Variants in SEMA6C observed in about 807,000 individuals in gnomAD.
SEMA6C encodes the protein semaphorin 6C, also known as semaphorin-6C.
A neutral mutation model predicts 72.9 loss-of-function variants in SEMA6C; 37 were observed. The ratio of observed to expected loss-of-function variants is 0.51; its 90% CI spans 0.39 to 0.67. SEMA6C has a LOEUF of 0.67. Among genes scored for constraint, SEMA6C ranks in the 30% least tolerant of loss-of-function variants. The pLI is 0.00. For missense variants in SEMA6C, 1,189 were observed against 1,263.6 expected (o/e 0.94, Z 0.89); for synonymous variants, 578 against 554.1 (o/e 1.04, Z -0.61).
At position 151,142,624 on chromosome 1, in the gene SEMA6C, T is replaced by C; in HGVS notation, c.-3A>G. 1 of 1,563,132 alleles carries C rather than the reference T, an allele frequency of 6.4e-7. No individual in the cohort carries two copies. Among genetic ancestry groups the C allele is most frequent in the East Asian group, 2.3e-5 (1 of 43,412 alleles). ...ATGAAGTGGGGGGCACGGGGCATCC[T>C]GTGCGGGGCAGCTCAGGCCCCAGGG... On this transcript the variant is annotated 5_prime_UTR_variant, in exon 3 of 19. Transcript: ENST00000368914.
chr1:151,140,013 A>G lies in SEMA6C; in HGVS notation c.196T>C (p.Phe66Leu). Reference protein sequence around the residue: ...AAELGLDFQRFLTLNRTLLVA... With the variant: ...AAELGLDFQRLLTLNRTLLVA... ...AGCAAGGTCCGGTTCAAGGTCAGGA[A>G]TCTCTGAAAGTCCAGCCCAAGTTCT... The change falls in exon 4 of 19, where the codon TTC becomes CTC. Residue 66 changes from phenylalanine to leucine, a missense_variant. Physicochemically the swap from Phe to Leu is conservative, Grantham distance 22 (BLOSUM62 0). Coordinates refer to ENST00000368914, the MANE Select transcript of SEMA6C (RefSeq NM_030913.6). 3 of 1,614,172 alleles carry G rather than the reference A, an allele frequency of 1.9e-6. No homozygotes were observed. The highest frequency in any genetic ancestry group is 2.5e-6 in the Non-Finnish European group (3 of 1,180,036).
chr1:151,135,704 G>A lies in SEMA6C; in HGVS notation c.1320C>T (p.Val440=). The A allele has an allele frequency of 1.2e-6, 2 of 1,614,200 alleles. No homozygotes were observed. The highest frequency in any genetic ancestry group is 1.7e-5 in the Admixed American group (1 of 60,028). Reference sequence around the variant, plus strand: ...TCCCATCATTGGAGCCAAGGAACATGACTGTGATGTTACTGTGGGGACCAG... The same window carrying A: ...TCCCATCATTGGAGCCAAGGAACATAACTGTGATGTTACTGTGGGGACCAG... The part of the protein sequence containing the change: ...GMAGPHSNIT[V]MFLGSNDGTV... Residue 440 remains valine, a synonymous_variant, in exon 14 of 19, where the codon GTC becomes GTT. Transcript: ENST00000368914.
rs1228347931 is a variant in SEMA6C, at chr1:151,135,306, G to A, written c.1437C>T (p.Cys479=). 4 of 1,613,088 alleles carry A rather than the reference G, an allele frequency of 2.5e-6. No homozygotes were observed. Among genetic ancestry groups the A allele is most frequent in the Non-Finnish European group, 2.5e-6 (3 of 1,179,516 alleles). ...EEIDAYSPAR[C]SGKRTAQTAR... is the part of the protein sequence containing the mutation. ...CTGTTTGGGCTGTCCGCTTCCCACTGCACCTAGGGTGAGGCCAGAAGGAAC... is the reference window on the plus strand; with the variant it reads ...CTGTTTGGGCTGTCCGCTTCCCACTACACCTAGGGTGAGGCCAGAAGGAAC... The change falls in exon 15 of 19, where the codon TGC becomes TGT. Residue 479 remains cysteine (C), a synonymous_variant. Transcript: ENST00000368914.
rs587715094 is a variant in SEMA6C at position 151,132,466 on chromosome 1, G to C, written c.*18C>G. The C allele has an allele frequency of 2.6e-6, 4 of 1,542,936 alleles. No homozygotes were observed. In the Admixed American group the frequency reaches 8.0e-5, roughly 31 times the overall value. ...GGACTCGGGCGCTCCCCACGCTGGA[G>C]GCCGTGGGCCGCTCCCTTTAAAAGT... On this transcript the variant is annotated 3_prime_UTR_variant, in exon 19 of 19. Transcript: ENST00000368914.
At chr1:151,137,878 C>T (rs587658901) in intron 9 of SEMA6C, 79 bp from the exon 10 acceptor site, 1 of 1,579,530 alleles carries the variant, frequency 6.3e-7, no homozygotes, top group Non-Finnish European at 8.6e-7. Context: ...CACCGCTCTC[C>T]CCATTGCATA....
In SEMA6C at chr1:151,135,274, C is replaced by T. The variant is rs1167997407; in HGVS notation, c.1469G>A (p.Arg490Gln). The T allele has an allele frequency of 1.8e-5, 29 of 1,614,088 alleles. No homozygotes were observed. The highest frequency in any genetic ancestry group is 3.3e-5 in the Admixed American group (2 of 60,006). Residue 490 changes from arginine (R) to glutamine (Q), a missense_variant, in exon 15 of 19, where the codon CGG becomes CAG. Transcript: ENST00000368914. ...SGKRTAQTAR[R>Q]IIGLELDTEG... ...AGTGTCCAGCTCCAGCCCTATGATC[C>T]GTCGTGCTGTTTGGGCTGTCCGCTT...
rs778911443 is a variant in SEMA6C at position 151,133,369 on chromosome 1, C to G, written c.1908G>C (p.Arg636=). The G allele has an allele frequency of 1.9e-6, 3 of 1,600,546 alleles. No homozygotes were observed. The highest frequency in any genetic ancestry group is 2.2e-5 in the East Asian group (1 of 44,574). ...SCACRRAHRR[R]GKDIETPGLP... Reference sequence around the variant, plus strand: ...GCCCCGGAGTCTCGATGTCCTTGCCCCGACGTCGGTGGGCGCGGCGACAAG... The same window carrying G: ...GCCCCGGAGTCTCGATGTCCTTGCCGCGACGTCGGTGGGCGCGGCGACAAG... The change falls in exon 19 of 19, where the codon CGG becomes CGC. Residue 636 remains arginine, a synonymous_variant. Transcript: ENST00000368914. The surrounding 1 kb of genome is among the most constrained non-coding windows in gnomAD (Gnocchi z 5.9).
intron 3 of SEMA6C, among the ~76,000 whole-genome samples, chr1:151,141,447 T>G (rs1303578118): frequency 6.6e-6 from 1 of 152,224 alleles, no homozygotes; most frequent in Non-Finnish European, 1.5e-5. Flanking sequence ...TTCACTCTTG[T>G]TGCCCATGCT....
chr1:151,136,539 T>G lies in SEMA6C; in HGVS notation c.1015A>C (p.Ile339Leu), dbSNP rs1370881936. 1.2e-6 allele frequency: 2 copies of G among 1,613,972 alleles called. No individual in the cohort carries two copies. The highest frequency in any genetic ancestry group is 4.5e-5 in the East Asian group (2 of 44,866). Residue 339 changes from isoleucine (I) to leucine (L), a missense_variant, in exon 12 of 19, where the codon ATT becomes CTT. Transcript: ENST00000368914. ...SAVCAFYLDE[I>L]ERGFEGKFKE... ...AACTTGCCCTCAAACCCACGCTCAA[T>G]CTCATCCAGGTAGAAGGCGCAGACG... is the stretch of plus-strand genomic sequence containing the variant.
chr1:151,135,692 G>A lies in SEMA6C; in HGVS notation c.1332C>T (p.Gly444=). 6.2e-7 allele frequency: 1 copy of A among 1,614,188 alleles called. No homozygotes were observed. Among genetic ancestry groups the A allele is most frequent in the Non-Finnish European group, 8.5e-7 (1 of 1,180,016 alleles). ...PHSNITVMFL[G]SNDGTVLKVL... is the part of the protein sequence containing the mutation. ...CCTTCAGCACTGTCCCATCATTGGAGCCAAGGAACATGACTGTGATGTTAC... is the reference window on the plus strand; with the variant it reads ...CCTTCAGCACTGTCCCATCATTGGAACCAAGGAACATGACTGTGATGTTAC... The change falls in exon 14 of 19, where the codon GGC becomes GGT. Residue 444 remains glycine, a synonymous_variant. Transcript: ENST00000368914.
At position 151,136,859 on chromosome 1, in the gene SEMA6C, A is replaced by G. The variant is rs138813095; in HGVS notation, c.972T>C (p.Asn324=). 92 of 1,612,888 alleles carry G rather than the reference A, an allele frequency of 5.7e-5. No homozygotes were observed. Among genetic ancestry groups the G allele is most frequent in the Non-Finnish European group, 7.6e-5 (90 of 1,179,252 alleles). The change falls in exon 11 of 19, where the codon AAT becomes AAC. Residue 324 remains asparagine, a splice_region_variant and synonymous_variant. Coordinates refer to ENST00000368914, the MANE Select transcript of SEMA6C (RefSeq NM_030913.6). ...ALFGVFTTQT[N]SIPGSAVCAF... ...ACACTAGTCAGCCTAGTACCAACCT[A>G]TTGGTCTGGGTGGTGAAGACCCCAA...
In SEMA6C at chr1:151,132,223, G is replaced by A. The variant is rs1210167675; in HGVS notation, c.*261C>T. The A allele has an allele frequency of 1.3e-6, 2 of 1,501,908 alleles. No homozygotes were observed. Among genetic ancestry groups the A allele is most frequent in the Non-Finnish European group, 1.8e-6 (2 of 1,125,964 alleles). 93.0% of individuals were successfully genotyped at this position (1,501,908 alleles called of 1,614,324 possible). On this transcript the variant is annotated 3_prime_UTR_variant, in exon 19 of 19. Transcript: ENST00000368914. Reference sequence around the variant, plus strand: ...TAAGGCAGCTTGGCTGGAAGGGAGCGGGGAGTGGGAGTCCGCCAGCTCCCC... The same window carrying A: ...TAAGGCAGCTTGGCTGGAAGGGAGCAGGGAGTGGGAGTCCGCCAGCTCCCC...
chr1:151,140,753 G>C (rs1682462728), intron 3 of SEMA6C, among the ~76,000 whole-genome samples: 1 of 152,226 alleles, frequency 6.6e-6, no homozygotes, highest in Non-Finnish European at 1.5e-5. Context: ...CCAGCACTTT[G>C]GGAGGCCGAG....
Position 151,132,389 on chromosome 1 carries a change from G to A in SEMA6C, c.*95C>T, listed in dbSNP as rs140125789. The A allele has an allele frequency of 2.6e-4, 399 of 1,522,454 alleles. 2 individuals carry two copies. The East Asian group carries it at 8.7e-3, about 33-fold the overall frequency. 94.3% of individuals were successfully genotyped at this position (1,522,454 alleles called of 1,614,324 possible). On this transcript the variant is annotated 3_prime_UTR_variant, in exon 19 of 19. Transcript: ENST00000368914. The stretch of plus-strand genomic sequence containing the variant: ...TGCGAGTCGGGAAGGCTGGAGGTGC[G>A]GGGCGAGGGGGCGGTGAAACGTCCT...
chr1:151,143,473 G>A (rs587607034), intron 2 of SEMA6C, among the ~76,000 whole-genome samples: 1 of 152,198 alleles, frequency 6.6e-6, no homozygotes, highest in Non-Finnish European at 1.5e-5. Context: ...ATGTACTTGA[G>A]GGGGGAAGAG....
At chr1:151,134,968 T>C in intron 15 of SEMA6C, 93 bp from the exon 16 acceptor site, 1 of 1,387,230 alleles carries the variant, frequency 7.2e-7, no homozygotes. Flanking sequence ...TACAGGAGGC[T>C]CCCAGCCTCA....
At chr1:151,140,924 G>A (rs1440484042) in intron 3 of SEMA6C, among the ~76,000 whole-genome samples, 1 of 152,012 alleles carries the variant, frequency 6.6e-6, no homozygotes, top group Non-Finnish European at 1.5e-5. Context: ...CGTGAACCCA[G>A]GAGGCGGAGC....
intron 15 of SEMA6C, 138 bp downstream of exon 15, chr1:151,135,025 C>A: frequency 1.4e-6 from 2 of 1,392,664 alleles, no homozygotes; most frequent in South Asian, 1.3e-5. Flanking sequence ...TTGCTGCCCA[C>A]CTTCAGAATG....
In SEMA6C at chr1:151,142,571, GAGC is replaced by G. The variant is rs750103252; in HGVS notation, c.48_50del (p.Leu17del). On this transcript the variant is annotated inframe_deletion, in exon 3 of 19. Coordinates refer to ENST00000368914, the MANE Select transcript of SEMA6C (RefSeq NM_030913.6). ...AGGCGGCCTGAGTATGGGGAAGTGA[GAGC>G]AGCAGCAGCAGTAGCAGCAAGGGCA... The G allele has an allele frequency of 3.1e-6, 5 of 1,608,742 alleles. No homozygotes were observed. Among genetic ancestry groups the G allele is most frequent in the Admixed American group, 3.4e-5 (2 of 59,622 alleles).
Sources: allele counts gnomAD v4.1 joint callset (sites outside exome capture counted in the v4.1 genomes callset), GRCh38; gene constraint gnomAD v4.1.1; non-coding constraint Gnocchi (gnomAD v3.1); transcripts MANE v1.5; gene names NCBI Gene and HGNC (gene_info 2026-07-23, HGNC 2026-07-21).